Variants in PDE1C observed in about 807,000 individuals in gnomAD.
PDE1C encodes dual specificity calcium/calmodulin-dependent 3',5'-cyclic nucleotide phosphodiesterase 1C.
A neutral mutation model predicts 93.1 loss-of-function variants in PDE1C; 62 were observed. That is an observed-to-expected ratio of 0.67 (90% CI 0.54 to 0.82). PDE1C has a LOEUF of 0.82. Among genes scored for constraint, PDE1C ranks in the 40% least tolerant of loss-of-function variants. PDE1C has a pLI of 0.00. For missense variants in PDE1C, 742 were observed against 884.6 expected (o/e 0.84, Z 2.04); for synonymous variants, 325 against 310.1 (o/e 1.05, Z -0.50).
At chr7:32,195,632 G>T (rs1804556348) in intron 2 of PDE1C, among the ~76,000 whole-genome samples, 1 of 152,134 alleles carries the variant, frequency 6.6e-6, no homozygotes, top group Admixed American at 6.5e-5. Context: ...CAGGAGGATT[G>T]CTCGAGCGCA....
chr7:31,910,329 T>C (rs773018503), intron 2 of PDE1C, among the ~76,000 whole-genome samples: 1 of 152,168 alleles, frequency 6.6e-6, no homozygotes, highest in Non-Finnish European at 1.5e-5. Flanking sequence ...TTCATTTTGT[T>C]GGCACTTAAT....
At chr7:31,732,838 T>C in the PDE1C span, among the ~76,000 whole-genome samples, 1 of 152,176 alleles carries the variant, frequency 6.6e-6, no homozygotes, top group Non-Finnish European at 1.5e-5. Context: ...TTCTTGACAG[T>C]TGTCCTTGGA....
chr7:32,396,522 TGG>T (rs34693320), intron 1 of PDE1C, among the ~76,000 whole-genome samples: 6,227 of 135,154 alleles, frequency 0.046, 318 homozygotes, highest in African/African-American at 0.14. Flanking sequence ...TATTGAAGTA[TGG>T]GGGGGGGGAG....
chr7:31,652,828 A>G, the PDE1C span: 7 of 1,610,174 alleles, frequency 4.3e-6, no homozygotes, highest in African/African-American at 8.0e-5. Context: ...GTCTTCCTCT[A>G]GATCAGAGCA....
At chr7:32,105,390 G>A (rs941398744) in intron 3 of PDE1C, among the ~76,000 whole-genome samples, 2 of 151,940 alleles carry the variant, frequency 1.3e-5, no homozygotes, top group African/African-American at 4.8e-5. Context: ...ATGGTCCTCT[G>A]GAAGAGAAAG....
intron 7 of PDE1C, among the ~76,000 whole-genome samples, chr7:31,859,149 A>G (rs1424107259): frequency 6.7e-6 from 1 of 149,428 alleles, no homozygotes; most frequent in Non-Finnish European, 1.5e-5. Context: ...TATAGACTAT[A>G]TGTATATTGA....
intron 1 of PDE1C, among the ~76,000 whole-genome samples, chr7:32,240,154 C>G (rs919255044): frequency 6.6e-6 from 1 of 152,152 alleles, no homozygotes; most frequent in Non-Finnish European, 1.5e-5. Context: ...CTGAGAGTTA[C>G]CTTTTATTCC....
intron 1 of PDE1C, among the ~76,000 whole-genome samples, chr7:32,058,240 C>T (rs952581415): frequency 8.5e-5 from 13 of 152,178 alleles, no homozygotes; most frequent in Non-Finnish European, 1.9e-4. Flanking sequence ...CCATTCTTTT[C>T]TCCAGAGACC....
At chr7:31,770,661 T>A (rs952691075) in intron 17 of PDE1C, among the ~76,000 whole-genome samples, 1 of 152,012 alleles carries the variant, frequency 6.6e-6, no homozygotes, top group Non-Finnish European at 1.5e-5. Flanking sequence ...CAGGCACCCA[T>A]CACCATGCCC....
chr7:31,969,432 C>A (rs1044801116), intron 2 of PDE1C, among the ~76,000 whole-genome samples: 7 of 152,088 alleles, frequency 4.6e-5, no homozygotes, highest in African/African-American at 1.7e-4. Flanking sequence ...CAAATCAAAA[C>A]CACAACGAGA....
rs529479042 is a variant in PDE1C, at chr7:32,330,661, G to A, written c.310+97161C>T. On this transcript the variant is annotated intron_variant, in intron 1 of 1. Coordinates refer to the PDE1C transcript ENST00000672256. ...TGCTTAAGTAAGGAGCTGGGCCATT[G>A]AGAGCTGGCCAAGGCCTGTTCCCGA... is the stretch of plus-strand genomic sequence containing the variant. 3.3e-5 allele frequency among the ~76,000 whole-genome samples: 5 copies of A among 152,278 alleles called. No individual in the cohort carries two copies. The East Asian group carries it at 9.7e-4, about 29-fold the overall frequency.
the PDE1C span, among the ~76,000 whole-genome samples, chr7:31,691,797 T>TAAAAAAAAAAAA: frequency 9.2e-5 from 8 of 86,526 alleles, no homozygotes; most frequent in African/African-American, 1.3e-4. Flanking sequence ...ATGTAATGAT[T>TAAAAAAAAAAAA]AAAAAAAAAA....
chr7:32,201,810 A>T (rs900775329), intron 2 of PDE1C, among the ~76,000 whole-genome samples: 2 of 152,224 alleles, frequency 1.3e-5, no homozygotes, highest in African/African-American at 4.8e-5. Context: ...GTCTGTCTGC[A>T]ATTGCAGTGC....
rs542497693 is a variant in PDE1C at position 31,820,187 on chromosome 7, C to T, written c.1582+2886G>A. On this transcript the variant is annotated intron_variant, in intron 14 of 17. Transcript: ENST00000396191. ...ATATTATATTATGATCCCAATTTGT[C>T]GGCAAAATTTTTACTTATACATATG... Among the ~76,000 whole-genome samples the T allele has an allele frequency of 7.3e-4, 111 of 151,940 alleles. No homozygotes were observed. The South Asian group carries it at 0.013, about 18-fold the overall frequency.
In PDE1C at chr7:31,809,091, TA is replaced by T; in HGVS notation, c.1830del (p.Asn612IlefsTer85). Reference protein sequence around the residue: ...EQQQNGDFKDGKNKTDKKDHS... With the variant: ...EQQQNGDFKDXKNKTDKKDHS... ...TGATCCTTCTTGTCTGTCTTATTTT[TA>T]CCATCTTTGAAGTCACCTGAAAGTA... On this transcript the variant is annotated frameshift_variant, in exon 16 of 18. Transcript: ENST00000396191. LOFTEE classifies it high-confidence loss of function. The T allele has an allele frequency of 7.5e-6, 12 of 1,591,848 alleles. No homozygotes were observed. Among genetic ancestry groups the T allele is most frequent in the Non-Finnish European group, 1.0e-5 (12 of 1,160,824 alleles).
At chr7:31,926,391 T>A (rs1803384268) in intron 2 of PDE1C, among the ~76,000 whole-genome samples, 1 of 152,146 alleles carries the variant, frequency 6.6e-6, no homozygotes, top group Non-Finnish European at 1.5e-5. Flanking sequence ...TCAATAAATG[T>A]TTGTGGAATA....
intron 16 of PDE1C, among the ~76,000 whole-genome samples, chr7:31,796,706 G>T (rs1293914411): frequency 1.3e-5 from 2 of 151,532 alleles, no homozygotes; most frequent in Non-Finnish European, 3.0e-5. Flanking sequence ...ATTATGGATT[G>T]GTTAATAGAT....
At chr7:31,896,984 G>C (rs1348593868) in intron 2 of PDE1C, among the ~76,000 whole-genome samples, 1 of 152,218 alleles carries the variant, frequency 6.6e-6, no homozygotes, top group African/African-American at 2.4e-5. Flanking sequence ...AAATATTTGA[G>C]AAATCCAGGT....
chr7:32,166,650 C>CT (rs1457480565), intron 3 of PDE1C, among the ~76,000 whole-genome samples: 1 of 152,176 alleles, frequency 6.6e-6, no homozygotes, highest in African/African-American at 2.4e-5. Context: ...TTTCCAAAAT[C>CT]TTTATTTCTA....
Sources: gnomAD v4.1 joint callset for allele counts (sites outside exome capture counted in the v4.1 genomes callset) on GRCh38, gnomAD v4.1.1 for gene constraint, MANE v1.5 for transcripts, NCBI Gene and HGNC (gene_info 2026-07-23, HGNC 2026-07-21) for gene names.